Variants in ZGPAT observed in about 807,000 individuals in gnomAD.
The protein encoded by ZGPAT is zinc finger CCCH-type with G patch domain-containing protein.
ZGPAT carries 39 observed loss-of-function variants against 47.9 expected under a neutral mutation model. The observed-to-expected ratio is 0.81, with a 90% CI of 0.63 to 1.06. ZGPAT has a LOEUF of 1.06. ZGPAT is among the 50% of genes least tolerant of loss of function. The probability of loss-of-function intolerance (pLI) is 0.00; values close to 1 mark genes in which losing one functional copy is unlikely to be tolerated. For synonymous variants in ZGPAT, 348 were observed against 292.9 expected (o/e 1.19, Z -1.92); for missense variants, 717 against 681.4 (o/e 1.05, Z -0.58).
intron 2 of ZGPAT, among the ~76,000 whole-genome samples, chr20:63,732,000 CAG>C (rs764303195): frequency 6.6e-5 from 10 of 152,200 alleles, no homozygotes; most frequent in African/African-American, 1.4e-4. Context: ...TTGGTTTGCA[CAG>C]GGGGTTTCCC....
rs970977027 is a variant in ZGPAT at position 63,708,137 on chromosome 20, C to A, written c.-29+19C>A. 1 of 152,370 alleles carries A rather than the reference C, an allele frequency of 6.6e-6. No individual in the cohort carries two copies. Among genetic ancestry groups the A allele is most frequent in the African/African-American group, 2.4e-5 (1 of 41,466 alleles). 9.4% of individuals were successfully genotyped at this position (152,370 alleles called of 1,614,324 possible). A position where few individuals can be genotyped will look rare whatever the true frequency, so the allele number is the denominator to read the frequency against. ...CTAGCCGGTGAGGCCGGCGGGCTCT[C>A]TGTGGCTGCGGCTGGGAAACCGCGC... On this transcript the variant is annotated intron_variant, in intron 1 of 6. Transcript: ENST00000355969.
intron 2 of ZGPAT, among the ~76,000 whole-genome samples, chr20:63,720,209 G>A (rs1291608839): frequency 6.6e-6 from 1 of 151,432 alleles, no homozygotes; most frequent in African/African-American, 2.4e-5. Context: ...AGGCTGGAGT[G>A]CAATGGCTTG....
chr20:63,733,498 GC>G, intron 3 of ZGPAT, 88 bp from the exon 4 acceptor site: 1 of 1,609,576 alleles, frequency 6.2e-7, no homozygotes, highest in Non-Finnish European at 8.5e-7. Context: ...CTCAGCCTCT[GC>G]CCTGCCTTGC....
intron 2 of ZGPAT, among the ~76,000 whole-genome samples, chr20:63,715,862 ACTTTT>A (rs2091723261): frequency 6.6e-6 from 1 of 151,868 alleles, no homozygotes; most frequent in African/African-American, 2.4e-5. Flanking sequence ...AGAGAGATGG[ACTTTT>A]CTTTTGTTGG....
At chr20:63,718,077 G>C (rs1303055812) in intron 2 of ZGPAT, among the ~76,000 whole-genome samples, 1 of 152,004 alleles carries the variant, frequency 6.6e-6, no homozygotes, top group Non-Finnish European at 1.5e-5. Context: ...TGCAGAGACA[G>C]GGTATCACTT....
intron 2 of ZGPAT, among the ~76,000 whole-genome samples, chr20:63,719,900 C>T (rs1157434693): frequency 6.6e-6 from 1 of 151,668 alleles, no homozygotes; most frequent in East Asian, 1.9e-4. Context: ...GCCACCACAC[C>T]CACCTAATTT....
Position 63,708,743 on chromosome 20 carries a change from G to C in ZGPAT, c.163G>C (p.Val55Leu). Residue 55 changes from valine to leucine, a missense_variant, in exon 2 of 7, where the codon GTG becomes CTG. Physicochemically the swap from Val to Leu is conservative, Grantham distance 32. Coordinates refer to ENST00000355969, the MANE Select transcript of ZGPAT (RefSeq NM_181485.3). The part of the protein sequence containing the change: ...ELIELTEASL[V>L]SVRKSSLLAA... ...CATCGAGCTCACCGAGGCCAGCCTG[G>C]TGTCTGTCAGGAAGAGCAGCTTGTT... The C allele has an allele frequency of 6.2e-7, 1 of 1,612,640 alleles. No individual in the cohort carries two copies. Among genetic ancestry groups the C allele is most frequent in the Non-Finnish European group, 8.5e-7 (1 of 1,179,736 alleles).
chr20:63,723,892 G>A (rs191619703), intron 2 of ZGPAT, among the ~76,000 whole-genome samples: 2 of 152,232 alleles, frequency 1.3e-5, no homozygotes, highest in East Asian at 1.9e-4. Flanking sequence ...GCAACATGAC[G>A]AAACCCATCT....
intron 2 of ZGPAT, among the ~76,000 whole-genome samples, chr20:63,709,612 G>A (rs1376831586): frequency 6.6e-6 from 1 of 151,548 alleles, no homozygotes; most frequent in Non-Finnish European, 1.5e-5. Flanking sequence ...ACTGCAGCCC[G>A]AGCAGCAGTG....
At chr20:63,729,034 CTTTTTTTT>C (rs1054928363) in intron 2 of ZGPAT, among the ~76,000 whole-genome samples, 29 of 139,558 alleles carry the variant, frequency 2.1e-4, no homozygotes, top group Non-Finnish European at 4.1e-4. Flanking sequence ...TTCTTTTTTT[CTTTTTTTT>C]TTTTTTTGAG....
At chr20:63,708,464 G>T in intron 1 of ZGPAT, 89 bp from the exon 2 acceptor site, 1 of 934,326 alleles carries the variant, frequency 1.1e-6, no homozygotes. Flanking sequence ...TCTCCCCGAG[G>T]GAAAGGGGAC....
At chr20:63,713,165 G>A (rs564244081) in intron 2 of ZGPAT, among the ~76,000 whole-genome samples, 170 of 151,482 alleles carry the variant, frequency 1.1e-3, no homozygotes, top group African/African-American at 3.6e-3. Flanking sequence ...TCTGCCTCCC[G>A]GGTTCAAGCA....
At chr20:63,712,518 T>A (rs2091679360) in intron 2 of ZGPAT, among the ~76,000 whole-genome samples, 1 of 152,230 alleles carries the variant, frequency 6.6e-6, no homozygotes, top group Admixed American at 6.5e-5. Flanking sequence ...GCTTGTCCAA[T>A]TCTGCATAAA....
At position 63,708,882 on chromosome 20, in the gene ZGPAT, C is replaced by G; in HGVS notation, c.302C>G (p.Ser101Ter). The G allele has an allele frequency of 6.2e-7, 1 of 1,611,610 alleles. No homozygotes were observed. Among genetic ancestry groups the G allele is most frequent in the South Asian group, 1.1e-5 (1 of 90,732 alleles). The change falls in exon 2 of 7, where the codon TCA (serine) becomes TGA (stop). Residue 101 changes from serine to a stop codon, truncating the protein, a stop_gained. Coordinates refer to ENST00000355969, the MANE Select transcript of ZGPAT (RefSeq NM_181485.3). LOFTEE classifies it high-confidence loss of function. Reference protein sequence around the residue: ...EAPAAARGSGSETVPKAEAGP... With the variant: ...EAPAAARGSG Reference sequence around the variant, plus strand: ...CCAGCAGCGGCCCGTGGGTCCGGATCAGAGACCGTTCCTAAAGCAGAGGCG... The same window carrying G: ...CCAGCAGCGGCCCGTGGGTCCGGATGAGAGACCGTTCCTAAAGCAGAGGCG...
chr20:63,711,762 AT>A (rs2091670875), intron 2 of ZGPAT, among the ~76,000 whole-genome samples: 4 of 151,832 alleles, frequency 2.6e-5, no homozygotes, highest in Admixed American at 2.6e-4. Flanking sequence ...TAATTTTTAT[AT>A]TTTTAGTAGA....
chr20:63,731,273 C>G (rs543517059), intron 2 of ZGPAT, among the ~76,000 whole-genome samples: 1 of 149,574 alleles, frequency 6.7e-6, no homozygotes, highest in East Asian at 2.2e-4. Context: ...ATGCGGGTGT[C>G]TGTGTGTGTG....
chr20:63,731,328 A>C (rs557511564), intron 2 of ZGPAT, among the ~76,000 whole-genome samples: 2 of 67,596 alleles, frequency 3.0e-5, no homozygotes, highest in African/African-American at 1.4e-4. Flanking sequence ...ATACATGTGT[A>C]AAGTGTACAG....
chr20:63,708,364 C>A (rs2091596181), intron 1 of ZGPAT, among the ~76,000 whole-genome samples, 189 bp from the exon 2 acceptor site: 1 of 152,028 alleles, frequency 6.6e-6, no homozygotes, highest in African/African-American at 2.4e-5. Flanking sequence ...TAGCGGCGAG[C>A]CCACGGCGGC....
intron 2 of ZGPAT, among the ~76,000 whole-genome samples, chr20:63,732,689 T>C (rs1230036203): frequency 2.0e-4 from 30 of 151,626 alleles, no homozygotes; most frequent in Admixed American, 2.0e-3. Context: ...TGCATGTGTG[T>C]ATGCATGTGT....
Sources: allele counts gnomAD v4.1 joint callset (sites outside exome capture counted in the v4.1 genomes callset), GRCh38; gene constraint gnomAD v4.1.1; transcripts MANE v1.5; gene names NCBI Gene and HGNC (gene_info 2026-07-23, HGNC 2026-07-21).